ARHGEF4: variants seen among roughly 807,000 people sequenced by gnomAD.
ARHGEF4 encodes the protein Rho guanine nucleotide exchange factor 4, also known as APC-stimulated guanine nucleotide exchange factor 1.
Under a neutral mutation model 162.0 loss-of-function variants are expected in ARHGEF4, and 119 were observed. The ratio of observed to expected loss-of-function variants is 0.73; its 90% CI spans 0.63 to 0.86. The LOEUF (loss-of-function observed/expected upper bound fraction) is 0.86, where lower values mean the gene tolerates loss of function less well. Among genes scored for constraint, ARHGEF4 ranks in the 40% least tolerant of loss-of-function variants. The pLI, the probability that ARHGEF4 is intolerant of heterozygous loss-of-function variation, is 0.00. For synonymous variants in ARHGEF4, 1,014 were observed against 979.9 expected (o/e 1.03, Z -0.65); for missense variants, 2,488 against 2,456.0 (o/e 1.01, Z -0.28).
intron 4 of ARHGEF4, among the ~76,000 whole-genome samples, chr2:130,951,476 G>T (rs1284964436): frequency 6.6e-6 from 1 of 152,168 alleles, no homozygotes; most frequent in African/African-American, 2.4e-5. Flanking sequence ...GAGAGAGACA[G>T]AGGAATGGAT....
chr2:130,970,725 G>A (rs1172369384), intron 4 of ARHGEF4, among the ~76,000 whole-genome samples: 1 of 151,886 alleles, frequency 6.6e-6, no homozygotes, highest in Non-Finnish European at 1.5e-5. Flanking sequence ...TATCTTCTTT[G>A]TTGAAGCATC....
chr2:131,005,231 A>G (rs1025678848), intron 4 of ARHGEF4, among the ~76,000 whole-genome samples: 2 of 152,142 alleles, frequency 1.3e-5, no homozygotes, highest in Non-Finnish European at 2.9e-5. Flanking sequence ...CTGGGGGCAG[A>G]GCTGACTTGA....
intron 1 of ARHGEF4, among the ~76,000 whole-genome samples, chr2:130,905,288 G>A (rs1163897029): frequency 1.3e-5 from 2 of 151,994 alleles, no homozygotes; most frequent in East Asian, 1.9e-4. Context: ...CATTTTCCGA[G>A]TGTTGAGCAC....
intron 4 of ARHGEF4, among the ~76,000 whole-genome samples, chr2:130,960,224 T>C (rs1017651588): frequency 6.7e-6 from 1 of 148,344 alleles, no homozygotes; most frequent in Non-Finnish European, 1.5e-5. Context: ...ATGTAGACTT[T>C]ATAAACATTA....
intron 1 of ARHGEF4, among the ~76,000 whole-genome samples, chr2:130,896,037 T>C (rs1680138139): frequency 6.6e-6 from 1 of 151,920 alleles, no homozygotes; most frequent in Non-Finnish European, 1.5e-5. Flanking sequence ...TTGGTGGGGT[T>C]TATTTATTTA....
At chr2:130,978,522 A>G (rs1329897684) in intron 4 of ARHGEF4, among the ~76,000 whole-genome samples, 1 of 152,172 alleles carries the variant, frequency 6.6e-6, no homozygotes, top group Non-Finnish European at 1.5e-5. Context: ...AACATCTCAC[A>G]AGACTATTTC....
intron 5 of ARHGEF4, among the ~76,000 whole-genome samples, chr2:131,037,132 A>G (rs1014405025): frequency 6.6e-6 from 1 of 152,140 alleles, no homozygotes; most frequent in Admixed American, 6.5e-5. Flanking sequence ...AGGCCTCTGG[A>G]GGTCTGCAGC....
chr2:130,860,820 T>G (rs62162121), intron 1 of ARHGEF4, among the ~76,000 whole-genome samples: 3,332 of 92,064 alleles, frequency 0.036, 117 homozygotes, highest in Non-Finnish European at 0.046. Context: ...ATTGATCTGT[T>G]TGTAACATAT....
chr2:130,898,870 G>A (rs1039858785), intron 1 of ARHGEF4, among the ~76,000 whole-genome samples: 10 of 152,078 alleles, frequency 6.6e-5, no homozygotes, highest in South Asian at 4.2e-4. Flanking sequence ...AGCATTTGAC[G>A]GCCTGGCTGC....
chr2:131,046,305 T>C lies in ARHGEF4; in HGVS notation c.*116T>C. ...TGCCTGCAAGTGAGCAGGGATGGGC[T>C]GGGGAGTTGCTTGTGCCACCAAGAC... On this transcript the variant is annotated 3_prime_UTR_variant, in exon 14 of 14. Transcript: ENST00000409359. 1 of 1,115,936 alleles carries C rather than the reference T, an allele frequency of 9.0e-7. No individual in the cohort carries two copies. Among genetic ancestry groups the C allele is most frequent in the South Asian group, 1.6e-5 (1 of 64,048 alleles). 69.1% of individuals were successfully genotyped at this position (1,115,936 alleles called of 1,614,324 possible).
chr2:130,868,805 G>A (rs1354894168), intron 1 of ARHGEF4, among the ~76,000 whole-genome samples: 3 of 152,332 alleles, frequency 2.0e-5, no homozygotes, highest in African/African-American at 7.2e-5. Context: ...CTGGGCTGAA[G>A]CCAAGGTGCC....
chr2:130,991,923 C>T (rs962516419), intron 4 of ARHGEF4, among the ~76,000 whole-genome samples: 1 of 152,222 alleles, frequency 6.6e-6, no homozygotes, highest in Admixed American at 6.5e-5. Flanking sequence ...CTGGTGGGGA[C>T]GTGGAGAATC....
chr2:130,841,310 C>T (rs144520889), intron 1 of ARHGEF4, among the ~76,000 whole-genome samples: 3 of 151,678 alleles, frequency 2.0e-5, no homozygotes, highest in Admixed American at 6.6e-5. Flanking sequence ...GTGATTCGTC[C>T]GCCTTAGTCT....
At chr2:130,951,544 G>A (rs1683958491) in intron 4 of ARHGEF4, among the ~76,000 whole-genome samples, 1 of 152,138 alleles carries the variant, frequency 6.6e-6, no homozygotes, top group Non-Finnish European at 1.5e-5. Flanking sequence ...CATCTTCTAT[G>A]GGCACAGTTC....
In ARHGEF4 at chr2:131,019,768, G is replaced by A. The variant is rs527786178; in HGVS notation, c.3986-8177G>A. Among the ~76,000 whole-genome samples, 166 of 152,154 alleles carry A rather than the reference G, an allele frequency of 1.1e-3. 2 individuals are homozygous for A. Among genetic ancestry groups the A allele is most frequent in the Non-Finnish European group, 2.0e-3 (138 of 67,992 alleles). On this transcript the variant is annotated intron_variant, in intron 4 of 13. Coordinates refer to ENST00000409359, the MANE Select transcript of ARHGEF4 (RefSeq NM_001367493.1). ...CCTGCCTCAGCCTCCTGAATAGCTG[G>A]GACTACAGGCGCCTGCCACCACGGC... is the stretch of plus-strand genomic sequence containing the variant.
rs1297284361 is a variant in ARHGEF4 at position 131,046,706 on chromosome 2, A to C, written c.*517A>C. 1.3e-5 allele frequency: 2 copies of C among 153,974 alleles called. No individual in the cohort carries two copies. Among genetic ancestry groups the C allele is most frequent in the East Asian group, 3.8e-4 (2 of 5,200 alleles). 9.5% of individuals were successfully genotyped at this position (153,974 alleles called of 1,614,324 possible). A position where few individuals can be genotyped will look rare whatever the true frequency, so the allele number is the denominator to read the frequency against. On this transcript the variant is annotated 3_prime_UTR_variant, in exon 14 of 14. Coordinates refer to ENST00000409359, the MANE Select transcript of ARHGEF4 (RefSeq NM_001367493.1). ...GCCACTTGGGAGGGCAGAAGCCAGG[A>C]ATTCCACACCCTTGTGTTGCGCCCG...
At position 131,044,197 on chromosome 2, in the gene ARHGEF4, T is replaced by C. The variant is rs1245467955; in HGVS notation, c.5158-102T>C. The stretch of plus-strand genomic sequence containing the variant: ...ACTGTCTGCTGGGGAGGTGGAGGCA[T>C]CACCAGCAGCCCCTCCTATGGCTGG... On this transcript the variant is annotated intron_variant, in intron 11 of 13. Transcript: ENST00000409359. The C allele has an allele frequency of 2.7e-6, 4 of 1,507,772 alleles. No individual in the cohort carries two copies. The African/African-American group carries it at 4.1e-5, about 15-fold the overall frequency. The allele number at this position is 1,507,772 out of a possible 1,614,324, so 93.4% of individuals were successfully genotyped here.
At chr2:130,923,885 C>CTTT (rs11377085) in intron 2 of ARHGEF4, among the ~76,000 whole-genome samples, 4 of 140,990 alleles carry the variant, frequency 2.8e-5, no homozygotes, top group Non-Finnish European at 6.1e-5. Flanking sequence ...CTTTTCTTTT[C>CTTT]TTTTTTTTTT....
intron 1 of ARHGEF4, among the ~76,000 whole-genome samples, chr2:130,840,718 G>A (rs908124037): frequency 9.9e-5 from 15 of 152,210 alleles, no homozygotes; most frequent in African/African-American, 3.6e-4. Context: ...GTCATGGCCT[G>A]CATGCGCCAC....
Sources: allele counts gnomAD v4.1 joint callset (sites outside exome capture counted in the v4.1 genomes callset), GRCh38; gene constraint gnomAD v4.1.1; transcripts MANE v1.5; gene names NCBI Gene and HGNC (gene_info 2026-07-23, HGNC 2026-07-21).